Variants in LRP6 observed in about 807,000 individuals in gnomAD.
LRP6 encodes low-density lipoprotein receptor-related protein 6.
LRP6 carries 43 observed loss-of-function variants against 184.1 expected under a neutral mutation model. That is an observed-to-expected ratio of 0.23 (90% confidence interval 0.18 to 0.30). LRP6 has a LOEUF of 0.30. Ranked by LOEUF, LRP6 falls within the 10% of genes least tolerant of loss-of-function variation. The pLI is 1.00. For synonymous variants in LRP6, 719 were observed against 684.9 expected (o/e 1.05, Z -0.78); for missense variants, 1,571 against 2,005.3 (o/e 0.78, Z 4.14).
rs75234125 is a variant in LRP6, at chr12:12,186,199, A to G, written c.844+724T>C. Among the ~76,000 whole-genome samples, 1,112 of 152,230 alleles carry G rather than the reference A, an allele frequency of 7.3e-3. 11 individuals carry two copies. The highest frequency in any genetic ancestry group is 0.026 in the African/African-American group (1,067 of 41,546). On this transcript the variant is annotated intron_variant, in intron 4 of 22. Coordinates refer to ENST00000261349, the MANE Select transcript of LRP6 (RefSeq NM_002336.3). ...CATCAACACATTCAACTACATACTG[A>G]AAGAAATAATATGAACAAAAAAACT...
At chr12:12,252,614 A>C (rs1298737161) in intron 1 of LRP6, among the ~76,000 whole-genome samples, 1 of 152,210 alleles carries the variant, frequency 6.6e-6, no homozygotes, top group Non-Finnish European at 1.5e-5. Flanking sequence ...ATTAGACAAC[A>C]GTATAATGTC....
chr12:12,164,950 A>AAAAAAAAAAAAAAAAAAAAAAAC (rs1862837573), intron 8 of LRP6, 129 bp downstream of exon 8: 1 of 516,072 alleles, frequency 1.9e-6, no homozygotes, highest in Non-Finnish European at 3.3e-6. Context: ...AAAAAAAAAA[A>AAAAAAAAAAAAAAAAAAAAAAAC]AAAAAGGCGG....
intron 2 of LRP6, among the ~76,000 whole-genome samples, chr12:12,207,334 T>C (rs1178518385): frequency 6.9e-6 from 1 of 144,152 alleles, no homozygotes; most frequent in Non-Finnish European, 1.5e-5. Context: ...CTGGCCAACA[T>C]GGTAAAAACC....
At chr12:12,197,855 C>T (rs1863805062) in intron 3 of LRP6, among the ~76,000 whole-genome samples, 1 of 152,150 alleles carries the variant, frequency 6.6e-6, no homozygotes, top group Non-Finnish European at 1.5e-5. Flanking sequence ...ACCAGCTGGG[C>T]AACATGATGA....
chr12:12,232,588 A>AG (rs1280952110), intron 2 of LRP6, among the ~76,000 whole-genome samples: 2 of 149,030 alleles, frequency 1.3e-5, no homozygotes, highest in African/African-American at 2.5e-5. Flanking sequence ...AGCAGGTGCA[A>AG]AAAAAAAAAA....
intron 3 of LRP6, among the ~76,000 whole-genome samples, chr12:12,193,375 A>G (rs1863667430): frequency 6.6e-6 from 1 of 150,926 alleles, no homozygotes; most frequent in South Asian, 2.1e-4. Context: ...TTAGGGTTAA[A>G]AAAAAAAAAG....
At chr12:12,157,584 C>T (rs1862622923) in intron 12 of LRP6, among the ~76,000 whole-genome samples, 1 of 151,944 alleles carries the variant, frequency 6.6e-6, no homozygotes, top group Non-Finnish European at 1.5e-5. Flanking sequence ...TTAATCATTC[C>T]ACTACATGCT....
chr12:12,138,836 A>C, intron 15 of LRP6: 1 of 1,396,710 alleles, frequency 7.2e-7, no homozygotes. Context: ...TATACAACAG[A>C]TAAAAATGGC....
chr12:12,266,782 A>T lies in LRP6; in HGVS notation c.-47T>A. Reference sequence around the variant, plus strand: ...CTCTCACCGGCGAGGGGTGGCCAGAAGTGGGGGAGGCGAGGAGCCGGGGCG... The same window carrying T: ...CTCTCACCGGCGAGGGGTGGCCAGATGTGGGGGAGGCGAGGAGCCGGGGCG... On this transcript the variant is annotated 5_prime_UTR_variant, in exon 1 of 23. Transcript: ENST00000261349. 6.5e-7 allele frequency: 1 copy of T among 1,541,972 alleles called. No homozygotes were observed. The highest frequency in any genetic ancestry group is 8.9e-7 in the Non-Finnish European group (1 of 1,126,836).
rs1394287040 is a variant in LRP6 at position 12,181,436 on chromosome 12, G to A, written c.980C>T (p.Ala327Val). 2 of 1,175,502 alleles carry A rather than the reference G, an allele frequency of 1.7e-6. No individual in the cohort carries two copies. The highest frequency in any genetic ancestry group is 2.6e-6 in the Non-Finnish European group (2 of 783,040). The allele number at this position is 1,175,502 out of a possible 1,614,324, so 72.8% of individuals were successfully genotyped here. A position where few individuals can be genotyped will look rare whatever the true frequency, so the allele number is the denominator to read the frequency against. ...TCGAGCTAAAAGCAATAATTCTGTG[G>A]CACCTAGAACAACAAAGTGAAATGA... is the stretch of plus-strand genomic sequence containing the variant. ...LENGKTCKDG[A>V]TELLLLARRT... Residue 327 changes from alanine to valine, a missense_variant, in exon 6 of 23, where the codon GCC (alanine) becomes GTC (valine). This residue lies in a region of LRP6 where 640 missense variants were observed against 851.9 expected (regional missense o/e 0.75). Coordinates refer to ENST00000261349, the MANE Select transcript of LRP6 (RefSeq NM_002336.3).
rs200613079 is a variant in LRP6 at position 12,125,388 on chromosome 12, C to T, written c.4357G>A (p.Gly1453Arg). ...KSMISSLSIM[G>R]GSSGPPYDRA... ...TCATAGGGGGGTCCACTGCTTCCCC[C>T]CATGATACTGAGGGAGCTGATCATT... is the stretch of plus-strand genomic sequence containing the variant. Residue 1453 changes from glycine (G) to arginine (R), a missense_variant, in exon 21 of 23, where the codon GGG (glycine) becomes AGG (arginine). Around this residue, in one of 4 missense-constraint regions of LRP6, gnomAD observed 763 missense variants for 859.5 expected, o/e 0.89. Coordinates refer to ENST00000261349, the MANE Select transcript of LRP6 (RefSeq NM_002336.3). The T allele has an allele frequency of 1.5e-5, 25 of 1,613,754 alleles. No homozygotes were observed. The highest frequency in any genetic ancestry group is 1.9e-5 in the Non-Finnish European group (22 of 1,179,932).
At position 12,266,798 on chromosome 12, in the gene LRP6, A is replaced by AGCCGGGGCGGCC. The variant is rs1489174603; in HGVS notation, c.-75_-64dup. The AGCCGGGGCGGCC allele has an allele frequency of 1.4e-6, 2 of 1,419,978 alleles. No homozygotes were observed. The highest frequency in any genetic ancestry group is 1.4e-5 in the African/African-American group (1 of 70,330). The allele number at this position is 1,419,978 out of a possible 1,614,324, so 88.0% of individuals were successfully genotyped here. Reference sequence around the variant, plus strand: ...GTGGCCAGAAGTGGGGGAGGCGAGGAGCCGGGGCGGCCGCCGCAGCGGCAG... The same window carrying AGCCGGGGCGGCC: ...GTGGCCAGAAGTGGGGGAGGCGAGGAGCCGGGGCGGCCGCCGGGGCGGCCGCCGCAGCGGCAG... On this transcript the variant is annotated 5_prime_UTR_variant, in exon 1 of 23. Transcript: ENST00000261349.
chr12:12,141,466 G>A (rs992042136), intron 15 of LRP6, among the ~76,000 whole-genome samples: 2 of 152,044 alleles, frequency 1.3e-5, no homozygotes, highest in African/African-American at 4.8e-5. Flanking sequence ...AGTGTGAGGA[G>A]GAAAAAAAAT....
intron 2 of LRP6, among the ~76,000 whole-genome samples, chr12:12,242,451 T>C (rs1355801871): frequency 6.6e-6 from 1 of 152,220 alleles, no homozygotes; most frequent in African/African-American, 2.4e-5. Flanking sequence ...AAGAACTTTA[T>C]CTTTTCACCA....
chr12:12,125,028 CCT>C (rs2136840729), intron 21 of LRP6, among the ~76,000 whole-genome samples: 1 of 152,216 alleles, frequency 6.6e-6, no homozygotes, highest in Admixed American at 6.5e-5. Flanking sequence ...GGCCCTAATC[CCT>C]CAATAGGTAC....
intron 5 of LRP6, 70 bp from the exon 6 acceptor site, chr12:12,181,509 A>T: frequency 1.2e-6 from 1 of 817,490 alleles, no homozygotes; most frequent in East Asian, 2.4e-5. Context: ...CTAGATAAAG[A>T]ATCAAGAACT....
chr12:12,191,156 A>G (rs575755878), intron 3 of LRP6, among the ~76,000 whole-genome samples: 58 of 152,324 alleles, frequency 3.8e-4, no homozygotes, highest in African/African-American at 1.3e-3. Flanking sequence ...TTCAAGAGTA[A>G]GTGAATACAA....
chr12:12,249,913 T>C (rs1452341704), intron 1 of LRP6, among the ~76,000 whole-genome samples: 1 of 152,206 alleles, frequency 6.6e-6, no homozygotes, highest in Non-Finnish European at 1.5e-5. Context: ...TACACAATTC[T>C]AACCTTACTG....
intron 12 of LRP6, among the ~76,000 whole-genome samples, chr12:12,155,102 A>G (rs1043462288): frequency 6.6e-6 from 1 of 152,200 alleles, no homozygotes; most frequent in African/African-American, 2.4e-5. Context: ...AGGCTAAGAC[A>G]GGAGAATCAC....
Sources: allele counts gnomAD v4.1 joint callset (sites outside exome capture counted in the v4.1 genomes callset), GRCh38; gene constraint gnomAD v4.1.1; regional missense constraint gnomAD v4.1.1; transcripts MANE v1.5; gene names NCBI Gene and HGNC (gene_info 2026-07-23, HGNC 2026-07-21).